PLCL1: variants seen among roughly 807,000 people sequenced by gnomAD.
PLCL1 encodes the protein inactive phospholipase C-like protein 1.
PLCL1 carries 41 observed loss-of-function variants against 84.4 expected under a neutral mutation model. The ratio of observed to expected loss-of-function variants is 0.49; its 90% CI spans 0.38 to 0.63. The LOEUF (loss-of-function observed/expected upper bound fraction) is 0.63, where lower values mean the gene tolerates loss of function less well. Among genes scored for constraint, PLCL1 ranks in the 30% least tolerant of loss-of-function variants. The pLI, the probability that PLCL1 is intolerant of heterozygous loss-of-function variation, is 0.00. For missense variants in PLCL1, 1,206 were observed against 1,367.8 expected, an observed-to-expected ratio of 0.88 and a Z score of 1.87; for synonymous variants, 490 against 488.3, an observed-to-expected ratio of 1.00 and a Z score of -0.05.
At chr2:198,130,158 C>A (rs1438825969) in intron 5 of PLCL1, among the ~76,000 whole-genome samples, 1 of 152,048 alleles carries the variant, frequency 6.6e-6, no homozygotes, top group Admixed American at 6.5e-5. Context: ...CCACACCCTG[C>A]TAATTTTATG....
At chr2:198,117,194 A>G (rs765687404) in intron 5 of PLCL1, among the ~76,000 whole-genome samples, 1 of 151,886 alleles carries the variant, frequency 6.6e-6, no homozygotes, top group Non-Finnish European at 1.5e-5. Context: ...TCCTTTTCTT[A>G]AGCATGTGTT....
In PLCL1 at chr2:198,147,050, C is replaced by T; in HGVS notation, c.*88C>T. On this transcript the variant is annotated 3_prime_UTR_variant, in exon 6 of 6. Coordinates refer to ENST00000428675, the MANE Select transcript of PLCL1 (RefSeq NM_006226.4). ...TCTTTCTTTAAATGTTTTATAAGTT[C>T]ACAAAATGGTGCCCTATATGGGGTA... The T allele has an allele frequency of 2.7e-6, 3 of 1,098,164 alleles. No homozygotes were observed. The South Asian group carries it at 5.7e-5, about 21-fold the overall frequency. 68.0% of individuals were successfully genotyped at this position (1,098,164 alleles called of 1,614,324 possible).
At position 198,149,694 on chromosome 2, in the gene PLCL1, T is replaced by A. The variant is rs974686508; in HGVS notation, c.*2732T>A. ...AAGCAAAATTACCCACTAATAACATTTTGATTTATATCCCTTTAGACACTG... is the reference window on the plus strand; with the variant it reads ...AAGCAAAATTACCCACTAATAACATATTGATTTATATCCCTTTAGACACTG... On this transcript the variant is annotated 3_prime_UTR_variant, in exon 6 of 6. Transcript: ENST00000428675. 1 of 152,154 alleles carries A rather than the reference T, an allele frequency of 6.6e-6. No individual in the cohort carries two copies. The highest frequency in any genetic ancestry group is 1.5e-5 in the Non-Finnish European group (1 of 68,018). The allele number at this position is 152,154 out of a possible 1,614,324, so 9.4% of individuals were successfully genotyped here. A position where few individuals can be genotyped will look rare whatever the true frequency, so the allele number is the denominator to read the frequency against.
At chr2:197,823,902 A>G (rs1179518568) in intron 1 of PLCL1, among the ~76,000 whole-genome samples, 2 of 152,164 alleles carry the variant, frequency 1.3e-5, no homozygotes, top group Non-Finnish European at 2.9e-5. Flanking sequence ...AAACAAAAGC[A>G]CAATTTTTAC....
intron 1 of PLCL1, among the ~76,000 whole-genome samples, chr2:197,837,691 T>C (rs1691219558): frequency 6.6e-6 from 1 of 152,186 alleles, no homozygotes; most frequent in Non-Finnish European, 1.5e-5. Context: ...GTGGATTGGT[T>C]TCAGTGCACA....
chr2:198,009,238 A>T (rs1325206603), intron 1 of PLCL1, among the ~76,000 whole-genome samples: 1 of 151,874 alleles, frequency 6.6e-6, no homozygotes, highest in Non-Finnish European at 1.5e-5. Flanking sequence ...TTTTGGTGTC[A>T]TATTTAAGAA....
chr2:197,852,709 G>T (rs1018719692), intron 1 of PLCL1, among the ~76,000 whole-genome samples: 1 of 152,046 alleles, frequency 6.6e-6, no homozygotes, highest in East Asian at 1.9e-4. Flanking sequence ...TTTGGCCAAG[G>T]TCCCTTCTTT....
At chr2:197,928,664 T>C (rs996533311) in intron 1 of PLCL1, among the ~76,000 whole-genome samples, 4 of 152,210 alleles carry the variant, frequency 2.6e-5, no homozygotes, top group African/African-American at 4.8e-5. Flanking sequence ...ATGTTAATGA[T>C]GGAAGTGTAT....
intron 1 of PLCL1, among the ~76,000 whole-genome samples, chr2:197,942,857 G>C (rs1689187244): frequency 6.6e-6 from 1 of 152,134 alleles, no homozygotes; most frequent in Admixed American, 6.5e-5. Flanking sequence ...GTTTTAACCA[G>C]ACTTCTCCTG....
At chr2:197,894,117 A>G (rs1451157053) in intron 1 of PLCL1, among the ~76,000 whole-genome samples, 1 of 151,938 alleles carries the variant, frequency 6.6e-6, no homozygotes, top group Non-Finnish European at 1.5e-5. Context: ...TATTTAAGTC[A>G]TATTGGCCAG....
chr2:198,142,102 T>C (rs1304816577), intron 5 of PLCL1, among the ~76,000 whole-genome samples: 1 of 152,134 alleles, frequency 6.6e-6, no homozygotes, highest in African/African-American at 2.4e-5. Context: ...TTGTGAATAA[T>C]TCTGCCAGAC....
At chr2:198,038,803 A>T (rs149787607) in intron 1 of PLCL1, among the ~76,000 whole-genome samples, 194 of 151,812 alleles carry the variant, frequency 1.3e-3, no homozygotes, top group African/African-American at 4.3e-3. Flanking sequence ...TACAAACAGA[A>T]CAAAAAGGGA....
chr2:197,991,974 G>A (rs1690354398), intron 1 of PLCL1, among the ~76,000 whole-genome samples: 1 of 152,018 alleles, frequency 6.6e-6, no homozygotes, highest in East Asian at 1.9e-4. Context: ...CTCTCCTGAT[G>A]CTTTGCTCAG....
chr2:198,014,823 TA>T (rs1459473360), intron 1 of PLCL1, among the ~76,000 whole-genome samples: 1 of 152,122 alleles, frequency 6.6e-6, no homozygotes, highest in Non-Finnish European at 1.5e-5. Context: ...TTTTGATCTC[TA>T]GGGGGTGTAC....
chr2:198,100,462 G>C (rs1020682191), intron 3 of PLCL1, among the ~76,000 whole-genome samples: 1 of 152,062 alleles, frequency 6.6e-6, no homozygotes, highest in Non-Finnish European at 1.5e-5. Context: ...AGGGCAGATG[G>C]CTTAAGAAAG....
chr2:197,859,319 A>G (rs1177370035), intron 1 of PLCL1, among the ~76,000 whole-genome samples: 2 of 152,296 alleles, frequency 1.3e-5, no homozygotes, highest in South Asian at 2.1e-4. Context: ...AGACATAAAT[A>G]AGACTCCCTC....
At chr2:197,899,406 A>G (rs549869831) in intron 1 of PLCL1, among the ~76,000 whole-genome samples, 1 of 152,176 alleles carries the variant, frequency 6.6e-6, no homozygotes, top group Admixed American at 6.5e-5. Context: ...ACCTACTGGT[A>G]CTCAGCAATT....
chr2:198,012,063 C>G (rs942182796), intron 1 of PLCL1, among the ~76,000 whole-genome samples: 1 of 150,124 alleles, frequency 6.7e-6, no homozygotes, highest in African/African-American at 2.4e-5. Flanking sequence ...AGACAGAACA[C>G]TCAAACAAGT....
intron 5 of PLCL1, among the ~76,000 whole-genome samples, chr2:198,118,796 G>A (rs542332078): frequency 7.2e-5 from 11 of 152,088 alleles, no homozygotes; most frequent in African/African-American, 2.4e-4. Flanking sequence ...TTGTCATGTA[G>A]TTACCATGAA....
Sources: allele counts gnomAD v4.1 joint callset (sites outside exome capture counted in the v4.1 genomes callset), GRCh38; gene constraint gnomAD v4.1.1; transcripts MANE v1.5; gene names NCBI Gene and HGNC (gene_info 2026-07-23, HGNC 2026-07-21).